MVB12B: variants seen among roughly 807,000 people sequenced by gnomAD.
The protein encoded by MVB12B is multivesicular body subunit 12B.
In MVB12B, 16 loss-of-function variants were observed where a neutral mutation model predicts 41.6. That is an observed-to-expected ratio of 0.38 (90% confidence interval 0.26 to 0.58). The LOEUF (loss-of-function observed/expected upper bound fraction) is 0.58. Ranked by LOEUF, MVB12B falls within the 20% of genes least tolerant of loss-of-function variation. The pLI is 0.62. For synonymous variants in MVB12B, 133 were observed against 139.7 expected, an observed-to-expected ratio of 0.95 and a Z score of 0.34; for missense variants, 274 against 380.2, an observed-to-expected ratio of 0.72 and a Z score of 2.32.
At chr9:126,494,505 G>T (rs750579256) in intron 9 of MVB12B, among the ~76,000 whole-genome samples, 2 of 152,208 alleles carry the variant, frequency 1.3e-5, no homozygotes, top group Non-Finnish European at 2.9e-5. Context: ...ATGCAGAATT[G>T]AAGTCAAGGT....
intron 2 of MVB12B, among the ~76,000 whole-genome samples, chr9:126,375,913 G>A (rs980064866): frequency 6.6e-6 from 1 of 152,128 alleles, no homozygotes; most frequent in African/African-American, 2.4e-5. Flanking sequence ...AGTGTTTAAG[G>A]TGGTTTCTTT....
intron 1 of MVB12B, among the ~76,000 whole-genome samples, chr9:126,338,623 C>T (rs898983112): frequency 6.6e-6 from 1 of 151,268 alleles, no homozygotes; most frequent in Admixed American, 6.6e-5. Flanking sequence ...AAATTCACAG[C>T]GTGATATTTT....
At chr9:126,396,256 A>G in intron 6 of MVB12B, 8 of 986,956 alleles carry the variant, frequency 8.1e-6, no homozygotes, top group Non-Finnish European at 9.6e-6. Context: ...TTGCTCTGCA[A>G]CTGATTTCAG....
chr9:126,400,709 C>T (rs1034190423), intron 6 of MVB12B, among the ~76,000 whole-genome samples: 6 of 152,208 alleles, frequency 3.9e-5, no homozygotes, highest in Non-Finnish European at 8.8e-5. Flanking sequence ...CCTTCCTCCA[C>T]TCACCAGTGC....
rs1250199705 is a variant in MVB12B at position 126,480,037 on chromosome 9, T to C, written c.758-1332T>C. Among the ~76,000 whole-genome samples, 1 of 152,192 alleles carries C rather than the reference T, an allele frequency of 6.6e-6. No individual in the cohort carries two copies. The highest frequency in any genetic ancestry group is 1.5e-5 in the Non-Finnish European group (1 of 68,042). On this transcript the variant is annotated intron_variant, in intron 7 of 9. Coordinates refer to ENST00000361171, the MANE Select transcript of MVB12B (RefSeq NM_033446.3). This position sits in a 1 kb window ranked among gnomAD's most constrained non-coding sequence, Gnocchi z 4.9. ...ACCACTGAAGGTTCCAGAGAAGTCATCATTCCAGGAGACACTGGGGGAAGC... is the reference window on the plus strand; with the variant it reads ...ACCACTGAAGGTTCCAGAGAAGTCACCATTCCAGGAGACACTGGGGGAAGC...
chr9:126,453,550 G>A (rs560065800), intron 7 of MVB12B, among the ~76,000 whole-genome samples: 4 of 152,274 alleles, frequency 2.6e-5, no homozygotes, highest in Admixed American at 6.5e-5. Flanking sequence ...GTGTATCACC[G>A]GCTGCTTCCT....
chr9:126,407,819 A>G (rs1397650112), intron 6 of MVB12B, among the ~76,000 whole-genome samples: 1 of 152,222 alleles, frequency 6.6e-6, no homozygotes, highest in African/African-American at 2.4e-5. Context: ...GTACTTAAAA[A>G]AAAGAAAGAA....
intron 7 of MVB12B, among the ~76,000 whole-genome samples, chr9:126,433,784 A>C (rs1832391397): frequency 6.6e-6 from 1 of 152,126 alleles, no homozygotes; most frequent in African/African-American, 2.4e-5. Flanking sequence ...TGACCCAGTC[A>C]TTCCCAGTCC....
chr9:126,490,932 G>A (rs1029507283), intron 9 of MVB12B, among the ~76,000 whole-genome samples: 1 of 152,212 alleles, frequency 6.6e-6, no homozygotes, highest in Non-Finnish European at 1.5e-5. Context: ...ACTGGTTCCA[G>A]CAATTAGGCA....
intron 6 of MVB12B, 68 bp from the exon 7 acceptor site, chr9:126,421,786 G>T: frequency 1.6e-6 from 2 of 1,213,294 alleles, no homozygotes; most frequent in African/African-American, 1.5e-5. Context: ...TGTTGATGGC[G>T]TCAGTGCTTC....
Position 126,440,966 on chromosome 9 carries a change from G to A in MVB12B, c.757+19018G>A, listed in dbSNP as rs141914918. The stretch of plus-strand genomic sequence containing the variant: ...CATAATTAATGACAAATGGTGGTGC[G>A]GAATTGGTGGATTGGTTTAGCGGAT... On this transcript the variant is annotated intron_variant, in intron 7 of 9. Transcript: ENST00000361171. 1.8e-3 allele frequency among the ~76,000 whole-genome samples: 275 copies of A among 152,312 alleles called. 1 individual carries two copies. Among genetic ancestry groups the A allele is most frequent in the African/African-American group, 5.9e-3 (247 of 41,556 alleles).
At chr9:126,354,768 G>C (rs576171199) in intron 2 of MVB12B, among the ~76,000 whole-genome samples, 199 of 152,252 alleles carry the variant, frequency 1.3e-3, no homozygotes, top group Non-Finnish European at 1.8e-3. Flanking sequence ...TAGGGAATCT[G>C]GGGACAGGGT....
At chr9:126,403,950 CTTTTTTTTTTTTTTTT>C (rs36030597) in intron 6 of MVB12B, among the ~76,000 whole-genome samples, 1 of 104,732 alleles carries the variant, frequency 9.5e-6, no homozygotes, top group Non-Finnish European at 1.9e-5. Context: ...TCCTTTAAAT[CTTTTTTTTTTTTTTTT>C]TTTTTTTGAG....
chr9:126,409,575 C>A (rs1252068917), intron 6 of MVB12B, among the ~76,000 whole-genome samples: 1 of 152,192 alleles, frequency 6.6e-6, no homozygotes, highest in Non-Finnish European at 1.5e-5. Flanking sequence ...CAGAACTTAG[C>A]CTAAGCATGA....
At chr9:126,442,478 G>A (rs1327459729) in intron 7 of MVB12B, among the ~76,000 whole-genome samples, 1 of 152,118 alleles carries the variant, frequency 6.6e-6, no homozygotes, top group Non-Finnish European at 1.5e-5. Context: ...GTCTTTGCTT[G>A]GTTATCATGC....
In MVB12B at chr9:126,384,535, A is replaced by G. The variant is rs563690198; in HGVS notation, c.313-2027A>G. ...CTCAACTTGATATATGTGTGTGTGT[A>G]TATATATATATGAAACGAAGTCTTC... On this transcript the variant is annotated intron_variant, in intron 3 of 9. Transcript: ENST00000361171. 1.1e-4 allele frequency among the ~76,000 whole-genome samples: 17 copies of G among 151,842 alleles called. No individual in the cohort carries two copies. The South Asian group carries it at 1.2e-3, about 11-fold the overall frequency.
chr9:126,494,873 C>A (rs7027798), intron 9 of MVB12B, among the ~76,000 whole-genome samples: 13 of 150,758 alleles, frequency 8.6e-5, no homozygotes, highest in East Asian at 7.8e-4. Context: ...ACCCCACCCC[C>A]CCCCAGGGTT....
chr9:126,443,179 G>A (rs1832682338), intron 7 of MVB12B, among the ~76,000 whole-genome samples: 1 of 152,130 alleles, frequency 6.6e-6, no homozygotes, highest in African/African-American at 2.4e-5. Flanking sequence ...CTACTTTCTG[G>A]GGTTTAAGCC....
chr9:126,378,687 C>G (rs145387132), intron 2 of MVB12B, among the ~76,000 whole-genome samples: 447 of 152,086 alleles, frequency 2.9e-3, no homozygotes, highest in Non-Finnish European at 5.3e-3. Context: ...CTGGGCCCTT[C>G]ATGATGCCTT....
Sources: gnomAD v4.1 joint callset for allele counts (sites outside exome capture counted in the v4.1 genomes callset) on GRCh38, gnomAD v4.1.1 for gene constraint, Gnocchi (gnomAD v3.1) non-coding constraint, MANE v1.5 for transcripts, NCBI Gene and HGNC (gene_info 2026-07-23, HGNC 2026-07-21) for gene names.